The following STIMATE variants were observed in gnomAD, a reference collection of about 807,000 sequenced individuals.
STIMATE encodes the protein STIM activating enhancer, also known as store-operated calcium entry regulator STIMATE.
A neutral mutation model predicts 36.7 loss-of-function variants in STIMATE; 15 were observed. The ratio of observed to expected loss-of-function variants is 0.41; its 90% CI spans 0.27 to 0.63. STIMATE has a LOEUF of 0.63. Ranked by LOEUF, STIMATE falls within the 20% of genes least tolerant of loss-of-function variation. STIMATE has a pLI of 0.32. For synonymous variants in STIMATE, 163 were observed against 162.3 expected (o/e 1.00, Z -0.03); for missense variants, 305 against 397.3 (o/e 0.77, Z 1.98).
chr3:52,843,491 C>A (rs1264613930), intron 6 of STIMATE, among the ~76,000 whole-genome samples: 1 of 152,114 alleles, frequency 6.6e-6, no homozygotes, highest in East Asian at 1.9e-4. Context: ...GCAGGGAGGA[C>A]AAGACAAAGC....
rs185292203 is a variant in STIMATE at position 52,855,407 on chromosome 3, C to T, written c.198G>A (p.Pro66=). ...ACCTAAACACATACCATATCCTCCA[C>T]GGACGTCTTTCATGCTTTGGTTCTC... The part of the protein sequence containing the change: ...RFREPKHERR[P]WRIWFLDTSK... Residue 66 remains proline (P), a synonymous_variant, in exon 2 of 8, where the codon CCG becomes CCA. Coordinates refer to ENST00000355083, the MANE Select transcript of STIMATE (RefSeq NM_198563.5). The T allele has an allele frequency of 3.5e-5, 57 of 1,613,572 alleles. No individual in the cohort carries two copies. The highest frequency in any genetic ancestry group is 4.2e-5 in the Non-Finnish European group (50 of 1,179,882).
intron 1 of STIMATE, among the ~76,000 whole-genome samples, chr3:52,887,645 C>T (rs978298734): frequency 1.3e-5 from 2 of 152,342 alleles, no homozygotes; most frequent in African/African-American, 2.4e-5. Context: ...CTCCTACCCA[C>T]GACCTGCCTC....
chr3:52,861,764 C>T (rs1355877274), intron 1 of STIMATE, among the ~76,000 whole-genome samples: 1 of 152,178 alleles, frequency 6.6e-6, no homozygotes, highest in African/African-American at 2.4e-5. Context: ...AGCGTGAGAC[C>T]TTGGGTCTGC....
At chr3:52,882,030 G>A (rs537259650) in intron 1 of STIMATE, among the ~76,000 whole-genome samples, 8 of 152,344 alleles carry the variant, frequency 5.3e-5, no homozygotes, top group Non-Finnish European at 7.3e-5. Context: ...TATTGGCTGC[G>A]TAGTTCTGGC....
intron 4 of STIMATE, among the ~76,000 whole-genome samples, chr3:52,845,627 T>C (rs1700881143): frequency 1.3e-5 from 2 of 152,190 alleles, no homozygotes; most frequent in Non-Finnish European, 2.9e-5. Flanking sequence ...CAAAGGTCCA[T>C]CTGGGACCCC....
rs549819429 is a variant in STIMATE, at chr3:52,840,499, C to T, written c.880G>A (p.Val294Ile). 1.8e-5 allele frequency: 29 copies of T among 1,613,494 alleles called. No homozygotes were observed. Among genetic ancestry groups the T allele is most frequent in the African/African-American group, 4.0e-5 (3 of 74,892 alleles). ...ACCCCCAGCATGGGAATGTGTCATACGGGTAGCCCAAAGCGGTGCTTCTTT... is the reference window on the plus strand; with the variant it reads ...ACCCCCAGCATGGGAATGTGTCATATGGGTAGCCCAAAGCGGTGCTTCTTT... ...KKKKHRFGLPV is the reference protein window; with the variant it reads ...KKKKHRFGLPI Residue 294 changes from valine to isoleucine, a missense_variant, in exon 8 of 8, where the codon GTA (valine) becomes ATA (isoleucine). Transcript: ENST00000355083.
intron 1 of STIMATE, among the ~76,000 whole-genome samples, chr3:52,857,310 G>A (rs771890462): frequency 6.6e-5 from 10 of 152,160 alleles, no homozygotes; most frequent in Non-Finnish European, 1.2e-4. Flanking sequence ...CCTCAACAAC[G>A]CCAGAGAATA....
intron 1 of STIMATE, among the ~76,000 whole-genome samples, chr3:52,883,952 C>T (rs1701650415): frequency 6.6e-6 from 1 of 152,112 alleles, no homozygotes; most frequent in Admixed American, 6.5e-5. Context: ...CTTTACCTAA[C>T]CTGTCTAGAA....
chr3:52,897,173 G>A (rs1049999270), intron 1 of STIMATE, 118 bp downstream of exon 1: 2 of 1,331,984 alleles, frequency 1.5e-6, no homozygotes, highest in East Asian at 2.9e-5. Flanking sequence ...CTGGGTTTGC[G>A]GGGGAGGAGC....
intron 7 of STIMATE, chr3:52,841,663 GACC>G (rs1438616008): frequency 6.6e-6 from 1 of 152,522 alleles, no homozygotes; most frequent in Admixed American, 6.5e-5. Context: ...TCTCGGTCCC[GACC>G]ACCACACTCC....
intron 1 of STIMATE, among the ~76,000 whole-genome samples, chr3:52,889,982 T>C (rs1209903987): frequency 6.6e-6 from 1 of 152,200 alleles, no homozygotes; most frequent in Non-Finnish European, 1.5e-5. Context: ...CCTCTGCCTC[T>C]ACCCTCTCCA....
At chr3:52,886,237 G>A (rs1439330007) in intron 1 of STIMATE, among the ~76,000 whole-genome samples, 1 of 152,168 alleles carries the variant, frequency 6.6e-6, no homozygotes, top group Non-Finnish European at 1.5e-5. Context: ...GGACAGGAAC[G>A]TGCAGAGGTC....
intron 1 of STIMATE, among the ~76,000 whole-genome samples, chr3:52,884,364 GCCTCCCGAGTACCTGGGAC>G (rs1701658589): frequency 6.6e-6 from 1 of 151,386 alleles, no homozygotes; most frequent in East Asian, 1.9e-4. Context: ...TCCTGCCTCA[GCCTCCCGAGTACCTGGGAC>G]AACAGGCGCC....
In STIMATE at chr3:52,840,343, A is replaced by T; in HGVS notation, c.*151T>A. 1 of 885,130 alleles carries T rather than the reference A, an allele frequency of 1.1e-6. No individual in the cohort carries two copies. The highest frequency in any genetic ancestry group is 1.7e-6 in the Non-Finnish European group (1 of 591,334). The allele number at this position is 885,130 out of a possible 1,614,324, so 54.8% of individuals were successfully genotyped here. On this transcript the variant is annotated 3_prime_UTR_variant, in exon 8 of 8. Transcript: ENST00000355083. ...CTCTTCCCTCTTTTTAAGTCACAGTAGTCTGGGGGCAGGCGAGAGCGGGCA... is the reference window on the plus strand; with the variant it reads ...CTCTTCCCTCTTTTTAAGTCACAGTTGTCTGGGGGCAGGCGAGAGCGGGCA...
At chr3:52,892,576 C>A (rs1056233729) in intron 1 of STIMATE, among the ~76,000 whole-genome samples, 4 of 152,200 alleles carry the variant, frequency 2.6e-5, no homozygotes, top group Non-Finnish European at 5.9e-5. Flanking sequence ...CGCCTTCACT[C>A]GTGAGCTCCA....
chr3:52,864,294 C>T (rs781541693), intron 1 of STIMATE, among the ~76,000 whole-genome samples: 25 of 152,350 alleles, frequency 1.6e-4, no homozygotes, highest in Admixed American at 3.3e-4. Flanking sequence ...GCAGGCTCAA[C>T]ATTATGTGGA....
At chr3:52,840,698 A>ATTTT in intron 7 of STIMATE, 88 bp from the exon 8 acceptor site, 5 of 1,049,986 alleles carry the variant, frequency 4.8e-6, no homozygotes, top group African/African-American at 2.0e-5. Context: ...TTCAAGTCTC[A>ATTTT]TGTTTTTTTT....
In STIMATE at chr3:52,842,838, G is replaced by A. The variant is rs151241458; in HGVS notation, c.741C>T (p.Ala247=). ...RNGSKVRYRR[A]ASHEESESEI... Reference sequence around the variant, plus strand: ...CAGACTCAGACTCCTCGTGGGATGCGGCCCTCCGGTAGCGGACCTTGCTCC... The same window carrying A: ...CAGACTCAGACTCCTCGTGGGATGCAGCCCTCCGGTAGCGGACCTTGCTCC... Residue 247 remains alanine, a synonymous_variant, in exon 7 of 8, where the codon GCC becomes GCT. Transcript: ENST00000355083. 11 of 1,614,108 alleles carry A rather than the reference G, an allele frequency of 6.8e-6. No homozygotes were observed. Among genetic ancestry groups the A allele is most frequent in the South Asian group, 6.6e-5 (6 of 91,090 alleles).
intron 1 of STIMATE, among the ~76,000 whole-genome samples, chr3:52,862,018 C>G (rs1228134821): frequency 6.6e-6 from 1 of 152,168 alleles, no homozygotes; most frequent in Non-Finnish European, 1.5e-5. Flanking sequence ...CAGCCTCTCC[C>G]TCCAGCCCTG....
Sources: allele counts gnomAD v4.1 joint callset (sites outside exome capture counted in the v4.1 genomes callset), GRCh38; gene constraint gnomAD v4.1.1; transcripts MANE v1.5; gene names NCBI Gene and HGNC (gene_info 2026-07-23, HGNC 2026-07-21).